ATP8B4: variants seen among roughly 807,000 people sequenced by gnomAD.
The protein encoded by ATP8B4 is ATPase phospholipid transporting 8B4 (putative), also known as probable phospholipid-transporting ATPase IM.
A neutral mutation model predicts 145.6 loss-of-function variants in ATP8B4; 133 were observed. The ratio of observed to expected loss-of-function variants is 0.91; its 90% CI spans 0.79 to 1.05. The LOEUF (loss-of-function observed/expected upper bound fraction) is 1.05, where lower values mean the gene tolerates loss of function less well. Among genes scored for constraint, ATP8B4 ranks in the 50% least tolerant of loss-of-function variants. ATP8B4 has a pLI of 0.00. For synonymous variants in ATP8B4, 507 were observed against 492.9 expected (o/e 1.03, Z -0.38); for missense variants, 1,458 against 1,425.2 (o/e 1.02, Z -0.37).
At chr15:50,162,751 C>A (rs1272384104) in intron 1 of ATP8B4, among the ~76,000 whole-genome samples, 1 of 152,162 alleles carries the variant, frequency 6.6e-6, no homozygotes, top group African/African-American at 2.4e-5. Flanking sequence ...CATGATCCAC[C>A]CGCCTCTGCT....
intron 1 of ATP8B4, among the ~76,000 whole-genome samples, chr15:50,132,114 C>T (rs927770594): frequency 6.6e-6 from 1 of 152,044 alleles, no homozygotes; most frequent in Admixed American, 6.6e-5. Context: ...CCGAAACCAA[C>T]TTGAAAATAA....
intron 10 of ATP8B4, among the ~76,000 whole-genome samples, chr15:49,986,988 C>T (rs915801877): frequency 2.0e-5 from 3 of 152,054 alleles, no homozygotes; most frequent in African/African-American, 7.2e-5. Context: ...AAATGGTCTG[C>T]TTGACCTTTG....
chr15:50,116,573 G>A (rs1340920029), intron 1 of ATP8B4, among the ~76,000 whole-genome samples: 1 of 152,192 alleles, frequency 6.6e-6, no homozygotes, highest in Non-Finnish European at 1.5e-5. Context: ...GTGAAGTCAA[G>A]GGGGAATGAA....
At position 49,949,160 on chromosome 15, in the gene ATP8B4, C is replaced by T. The variant is rs566595167; in HGVS notation, c.1287+12817G>A. ...TGTCTTGGCTATACAGGGTCTTCTT[C>T]GATTCCATATGAAATTTAACATAGC... On this transcript the variant is annotated intron_variant, in intron 14 of 27. Transcript: ENST00000284509. Among the ~76,000 whole-genome samples the T allele has an allele frequency of 7.9e-5, 12 of 152,106 alleles. No individual in the cohort carries two copies. The South Asian group carries it at 1.9e-3, about 24-fold the overall frequency.
intron 2 of ATP8B4, among the ~76,000 whole-genome samples, chr15:50,097,238 G>A (rs2056046913): frequency 1.3e-5 from 2 of 151,922 alleles, no homozygotes; most frequent in African/African-American, 4.8e-5. Context: ...TACCTATAAG[G>A]ATAGGTTCCA....
At chr15:49,877,446 G>A (rs1200088923) in intron 24 of ATP8B4, among the ~76,000 whole-genome samples, 1 of 152,202 alleles carries the variant, frequency 6.6e-6, no homozygotes, top group Non-Finnish European at 1.5e-5. Context: ...ACTATTGTGG[G>A]AGAGGAACAT....
chr15:49,906,720 T>A (rs1020690126), intron 20 of ATP8B4, among the ~76,000 whole-genome samples: 1 of 152,148 alleles, frequency 6.6e-6, no homozygotes, highest in African/African-American at 2.4e-5. Flanking sequence ...TCTTTAAGTA[T>A]CAAAAGAATA....
chr15:50,053,456 C>T (rs567411484), intron 3 of ATP8B4, among the ~76,000 whole-genome samples: 1 of 152,358 alleles, frequency 6.6e-6, no homozygotes, highest in African/African-American at 2.4e-5. Context: ...AAGCCTGCTG[C>T]CACTTTCTTA....
chr15:49,983,246 A>C (rs548636183), intron 10 of ATP8B4, among the ~76,000 whole-genome samples: 1 of 152,184 alleles, frequency 6.6e-6, no homozygotes, highest in Non-Finnish European at 1.5e-5. Flanking sequence ...TGTTGCCTGT[A>C]TATTTCCACC....
rs749741708 is a variant in ATP8B4 at position 49,866,412 on chromosome 15, A to T, written c.3100T>A (p.Ser1034Thr). 3.1e-6 allele frequency: 5 copies of T among 1,613,864 alleles called. No individual in the cohort carries two copies. Among genetic ancestry groups the T allele is most frequent in the Non-Finnish European group, 4.2e-6 (5 of 1,179,734 alleles). ...FIWGSIAIYF[S>T]ILFTMHSNGI... ...TTACTGTGCATTGTAAATAAAATGG[A>T]GAAATAAATGGCAATGCTCCCCCAG... The change falls in exon 26 of 28, where the codon TCC becomes ACC. Residue 1034 changes from serine (S) to threonine (T), a missense_variant. Coordinates refer to ENST00000284509, the MANE Select transcript of ATP8B4 (RefSeq NM_024837.4).
chr15:50,036,752 C>T (rs948149839), intron 6 of ATP8B4, among the ~76,000 whole-genome samples: 4 of 152,196 alleles, frequency 2.6e-5, no homozygotes, highest in African/African-American at 4.8e-5. Context: ...AGAGAAAGGA[C>T]CCCTACCCTA....
At chr15:50,097,469 G>A (rs1178132036) in intron 2 of ATP8B4, among the ~76,000 whole-genome samples, 1 of 152,170 alleles carries the variant, frequency 6.6e-6, no homozygotes, top group Non-Finnish European at 1.5e-5. Flanking sequence ...CTGTTAGTTT[G>A]TTAAACAGAT....
At position 50,150,016 on chromosome 15, in the gene ATP8B4, G is replaced by A. The variant is rs528093070; in HGVS notation, c.-43+32245C>T. Reference sequence around the variant, plus strand: ...CTCAGGAGGCTGAGGCAGGAGAATCGCTTGAACCCGGGAGGTGGAGGTTGC... The same window carrying A: ...CTCAGGAGGCTGAGGCAGGAGAATCACTTGAACCCGGGAGGTGGAGGTTGC... On this transcript the variant is annotated intron_variant, in intron 1 of 3. Transcript: ENST00000558829. 6.6e-5 allele frequency among the ~76,000 whole-genome samples: 10 copies of A among 152,014 alleles called. No homozygotes were observed. The East Asian group carries it at 9.7e-4, about 15-fold the overall frequency.
chr15:49,997,831 T>C (rs902170486), intron 8 of ATP8B4, among the ~76,000 whole-genome samples: 1 of 152,168 alleles, frequency 6.6e-6, no homozygotes, highest in African/African-American at 2.4e-5. Context: ...GTTGGATGTA[T>C]AATTCAAGCT....
In ATP8B4 at chr15:49,858,341, A is replaced by G. The variant is rs2031051904; in HGVS notation, c.*1853T>C. 6.6e-6 allele frequency: 1 copy of G among 152,318 alleles called. No individual in the cohort carries two copies. Among genetic ancestry groups the G allele is most frequent in the Middle Eastern group, 3.4e-3 (1 of 294 alleles). The allele number at this position is 152,318 out of a possible 1,614,324, so 9.4% of individuals were successfully genotyped here. A position where few individuals can be genotyped will look rare whatever the true frequency, so the allele number is the denominator to read the frequency against. ...ACTAATGACAAATTAGACATTGAAA[A>G]CCAACATCTGGTTAAGTGTAGGCAG... On this transcript the variant is annotated 3_prime_UTR_variant, in exon 28 of 28. Transcript: ENST00000284509.
chr15:49,892,841 C>T (rs2036979817), intron 23 of ATP8B4, among the ~76,000 whole-genome samples: 1 of 152,224 alleles, frequency 6.6e-6, no homozygotes, highest in Non-Finnish European at 1.5e-5. Flanking sequence ...CAAAGAGCTA[C>T]ATCCTCAGTG....
At chr15:50,008,580 G>A (rs2048491503) in intron 7 of ATP8B4, among the ~76,000 whole-genome samples, 1 of 152,162 alleles carries the variant, frequency 6.6e-6, no homozygotes, top group South Asian at 2.1e-4. Context: ...TTTTGCAATA[G>A]CAAGTAAGCA....
chr15:50,006,263 C>A, intron 7 of ATP8B4, among the ~76,000 whole-genome samples: 1 of 147,340 alleles, frequency 6.8e-6, no homozygotes. Context: ...AATTTATTAA[C>A]AGGCAGGCTG....
chr15:50,166,093 T>C (rs1307378275), intron 1 of ATP8B4, among the ~76,000 whole-genome samples: 1 of 152,046 alleles, frequency 6.6e-6, no homozygotes, highest in Non-Finnish European at 1.5e-5. Context: ...TACAGCAGTC[T>C]GAAACTCTGT....
Sources: gnomAD v4.1 joint callset for allele counts (sites outside exome capture counted in the v4.1 genomes callset) on GRCh38, gnomAD v4.1.1 for gene constraint, MANE v1.5 for transcripts, NCBI Gene and HGNC (gene_info 2026-07-23, HGNC 2026-07-21) for gene names.